SLC24A2: variants seen among roughly 807,000 people sequenced by gnomAD.
The protein encoded by SLC24A2 is solute carrier family 24 member 2.
In SLC24A2, 36 loss-of-function variants were observed where a neutral mutation model predicts 62.0. The observed-to-expected ratio is 0.58, with a 90% CI of 0.44 to 0.77. SLC24A2 has a LOEUF of 0.77. Ranked by LOEUF, SLC24A2 falls within the 30% of genes least tolerant of loss-of-function variation. The pLI is 0.00. For synonymous variants in SLC24A2, 358 were observed against 294.0 expected (o/e 1.22, Z -2.23); for missense variants, 846 against 817.9 (o/e 1.03, Z -0.42).
chr9:20,232,753 T>C, the SLC24A2 span, among the ~76,000 whole-genome samples: 1 of 152,214 alleles, frequency 6.6e-6, no homozygotes. Flanking sequence ...TGTTCTGATC[T>C]TAGTTATTTC....
intron 2 of SLC24A2, among the ~76,000 whole-genome samples, chr9:19,677,426 A>G (rs890222600): frequency 1.3e-5 from 2 of 152,212 alleles, no homozygotes; most frequent in Non-Finnish European, 2.9e-5. Context: ...AGTGGGGTCT[A>G]TCAGACGGTG....
chr9:19,954,588 T>A, the SLC24A2 span, among the ~76,000 whole-genome samples: 2 of 140,766 alleles, frequency 1.4e-5, no homozygotes, highest in Non-Finnish European at 3.0e-5. Context: ...TTCCGCCAGA[T>A]TTTTTTTTTT....
the SLC24A2 span, among the ~76,000 whole-genome samples, chr9:20,058,537 C>T: frequency 6.9e-6 from 1 of 145,500 alleles, no homozygotes; most frequent in African/African-American, 2.7e-5. Flanking sequence ...TTGGGAAAGA[C>T]TCAGATTTTT....
the SLC24A2 span, among the ~76,000 whole-genome samples, chr9:20,281,996 T>C: frequency 3.3e-5 from 5 of 152,206 alleles, no homozygotes; most frequent in African/African-American, 1.2e-4. Context: ...CTATTATAAA[T>C]TGCACTGGGA....
chr9:20,274,850 C>A, the SLC24A2 span, among the ~76,000 whole-genome samples: 2 of 151,930 alleles, frequency 1.3e-5, no homozygotes, highest in African/African-American at 4.8e-5. Context: ...GAGCATGCCA[C>A]GGTGCAGAAG....
chr9:19,809,352 A>T, the SLC24A2 span, among the ~76,000 whole-genome samples: 3 of 152,210 alleles, frequency 2.0e-5, no homozygotes, highest in Non-Finnish European at 4.4e-5. Context: ...AAAAATAAAT[A>T]AAGACGTTAA....
At chr9:19,627,654 T>C (rs1055081190) in intron 2 of SLC24A2, among the ~76,000 whole-genome samples, 2 of 152,068 alleles carry the variant, frequency 1.3e-5, no homozygotes, top group African/African-American at 4.8e-5. Context: ...GCCTCCCAAG[T>C]AGTTGGGTCT....
intron 8 of SLC24A2, among the ~76,000 whole-genome samples, chr9:19,546,440 G>C (rs1207723129): frequency 6.6e-6 from 1 of 152,162 alleles, no homozygotes; most frequent in African/African-American, 2.4e-5. Flanking sequence ...CTGAGCTGCA[G>C]TGGGCTCCAC....
chr9:19,651,434 C>CA (rs1316681429), intron 2 of SLC24A2, among the ~76,000 whole-genome samples: 11 of 152,202 alleles, frequency 7.2e-5, no homozygotes, highest in African/African-American at 2.2e-4. Context: ...GAGACTCAGG[C>CA]AGTCTAACTT....
chr9:19,877,789 C>A, the SLC24A2 span, among the ~76,000 whole-genome samples: 9 of 152,120 alleles, frequency 5.9e-5, no homozygotes, highest in Non-Finnish European at 8.8e-5. Context: ...TTAAAGGGAA[C>A]AGTGAAACAC....
the SLC24A2 span, among the ~76,000 whole-genome samples, chr9:20,215,171 C>T: frequency 5.3e-5 from 8 of 152,304 alleles, no homozygotes; most frequent in Admixed American, 5.2e-4. Context: ...ACTGTGTCCT[C>T]ACATGGTGGA....
the SLC24A2 span, among the ~76,000 whole-genome samples, chr9:20,166,206 G>T: frequency 6.6e-6 from 1 of 151,750 alleles, no homozygotes; most frequent in Non-Finnish European, 1.5e-5. Flanking sequence ...TTCTATAAAG[G>T]GGAATTTAGC....
chr9:20,277,341 C>T, the SLC24A2 span, among the ~76,000 whole-genome samples: 1 of 151,826 alleles, frequency 6.6e-6, no homozygotes, highest in South Asian at 2.1e-4. Context: ...ACCCATCTGA[C>T]AAAGGGCTAA....
chr9:20,293,550 G>A, the SLC24A2 span, among the ~76,000 whole-genome samples: 1 of 152,200 alleles, frequency 6.6e-6, no homozygotes, highest in African/African-American at 2.4e-5. Context: ...GTATTCCTAA[G>A]GAAGCACTGT....
the SLC24A2 span, among the ~76,000 whole-genome samples, chr9:19,851,685 T>G: frequency 6.6e-6 from 1 of 152,170 alleles, no homozygotes; most frequent in Non-Finnish European, 1.5e-5. Context: ...TGCATAGTAT[T>G]CCATGGTGTG....
the SLC24A2 span, among the ~76,000 whole-genome samples, chr9:20,281,117 A>G: frequency 6.6e-6 from 1 of 151,896 alleles, no homozygotes; most frequent in African/African-American, 2.4e-5. Flanking sequence ...TTTTGTTGAG[A>G]CAGGGTTTCA....
chr9:19,898,463 C>A, the SLC24A2 span, among the ~76,000 whole-genome samples: 1 of 152,182 alleles, frequency 6.6e-6, no homozygotes, highest in African/African-American at 2.4e-5. Context: ...AAAGAATAGG[C>A]CTGGCGCGGT....
chr9:19,678,265 C>T (rs2118369974), intron 2 of SLC24A2, among the ~76,000 whole-genome samples: 1 of 152,264 alleles, frequency 6.6e-6, no homozygotes, highest in Non-Finnish European at 1.5e-5. Context: ...ACTACACCAC[C>T]CAACAATCTA....
At chr9:20,304,359 T>A in the SLC24A2 span, among the ~76,000 whole-genome samples, 1 of 152,172 alleles carries the variant, frequency 6.6e-6, no homozygotes, top group Non-Finnish European at 1.5e-5. Flanking sequence ...CTGAGTGATC[T>A]TTTTTTGAAG....
Sources: allele counts gnomAD v4.1 joint callset (sites outside exome capture counted in the v4.1 genomes callset), GRCh38; gene constraint gnomAD v4.1.1; transcripts MANE v1.5; gene names NCBI Gene and HGNC (gene_info 2026-07-23, HGNC 2026-07-21).